SLCO1B3: variants seen among roughly 807,000 people sequenced by gnomAD.
SLCO1B3 encodes liver-specific organic anion transporter 2.
SLCO1B3 carries 72 observed loss-of-function variants against 71.8 expected under a neutral mutation model. The ratio of observed to expected loss-of-function variants is 1.00; its 90% CI spans 0.83 to 1.22. The LOEUF (loss-of-function observed/expected upper bound fraction) is 1.22. Among genes scored for constraint, SLCO1B3 ranks in the 50% most tolerant of loss-of-function variants. The pLI is 0.00. For missense variants in SLCO1B3, 911 were observed against 819.7 expected (o/e 1.11, Z -1.36); for synonymous variants, 298 against 278.4 (o/e 1.07, Z -0.70).
chr12:20,861,246 G>A, intron 6 of SLCO1B3, 108 bp downstream of exon 6: 1 of 987,172 alleles, frequency 1.0e-6, no homozygotes, highest in Non-Finnish European at 1.5e-6. Flanking sequence ...CAAATAGGAA[G>A]AACATTTATC....
intron 3 of SLCO1B3, among the ~76,000 whole-genome samples, chr12:20,828,461 G>A (rs547361797): frequency 6.6e-6 from 1 of 152,098 alleles, no homozygotes; most frequent in Non-Finnish European, 1.5e-5. Context: ...ATCCCAGGCT[G>A]TTAGAAATGA....
intron 13 of SLCO1B3, among the ~76,000 whole-genome samples, chr12:20,888,983 G>A (rs1227976643): frequency 6.6e-6 from 1 of 151,570 alleles, no homozygotes; most frequent in Admixed American, 6.6e-5. Flanking sequence ...TGTTAATTTT[G>A]TGAATCACAT....
intron 13 of SLCO1B3, among the ~76,000 whole-genome samples, chr12:20,897,312 G>A (rs760845291): frequency 2.4e-4 from 37 of 152,178 alleles, no homozygotes; most frequent in Non-Finnish European, 4.7e-4. Context: ...TTTTATAAGC[G>A]CTATTGAATT....
chr12:20,888,091 A>G (rs568704737), intron 13 of SLCO1B3, among the ~76,000 whole-genome samples: 5 of 151,942 alleles, frequency 3.3e-5, no homozygotes, highest in African/African-American at 1.2e-4. Flanking sequence ...CTATGTGTCT[A>G]TTTTTATACT....
intron 3 of SLCO1B3, among the ~76,000 whole-genome samples, chr12:20,835,915 A>G (rs2121151600): frequency 6.6e-6 from 1 of 152,328 alleles, no homozygotes. Context: ...GCTGCTAGGA[A>G]GAAACACTGA....
intron 15 of SLCO1B3, among the ~76,000 whole-genome samples, chr12:20,910,457 A>T (rs11045594): frequency 6.6e-6 from 1 of 152,084 alleles, no homozygotes; most frequent in South Asian, 2.1e-4. Flanking sequence ...CTTCACATAA[A>T]CTTTAGAATT....
chr12:20,824,522 C>T (rs1043050700), intron 3 of SLCO1B3, among the ~76,000 whole-genome samples: 9 of 152,066 alleles, frequency 5.9e-5, no homozygotes, highest in Non-Finnish European at 1.2e-4. Context: ...CTTAGAACAG[C>T]CATGGTTAAA....
chr12:20,845,822 G>A (rs996430487), intron 3 of SLCO1B3, among the ~76,000 whole-genome samples: 13 of 152,128 alleles, frequency 8.5e-5, no homozygotes, highest in Non-Finnish European at 1.8e-4. Context: ...AAGTTTTTAA[G>A]TTCTCCACTA....
intron 5 of SLCO1B3, 99 bp downstream of exon 5, chr12:20,858,670 G>A: frequency 9.0e-7 from 1 of 1,109,934 alleles, no homozygotes; most frequent in Non-Finnish European, 1.3e-6. Flanking sequence ...TACCTTTTGA[G>A]AGGAATACCT....
intron 6 of SLCO1B3, among the ~76,000 whole-genome samples, chr12:20,861,892 T>C (rs953906375): frequency 6.6e-5 from 10 of 152,082 alleles, no homozygotes; most frequent in African/African-American, 2.4e-4. Context: ...TCAGTAATGT[T>C]CACAAGGACA....
At chr12:20,813,132 A>C (rs1228437383) in intron 1 of SLCO1B3, among the ~76,000 whole-genome samples, 2 of 152,188 alleles carry the variant, frequency 1.3e-5, no homozygotes, top group East Asian at 3.8e-4. Context: ...ACACTCGCAT[A>C]TACATAAGTG....
At chr12:20,878,778 G>A (rs1190343204) in intron 10 of SLCO1B3, among the ~76,000 whole-genome samples, 5 of 152,180 alleles carry the variant, frequency 3.3e-5, no homozygotes, top group African/African-American at 1.2e-4. Context: ...TTACGGGACT[G>A]TGAAATGGAA....
chr12:20,829,958 T>C (rs978794796), intron 3 of SLCO1B3, among the ~76,000 whole-genome samples: 1 of 152,186 alleles, frequency 6.6e-6, no homozygotes, highest in Non-Finnish European at 1.5e-5. Context: ...GGCCAGCTCC[T>C]TTACTGCAAC....
chr12:20,823,979 T>A (rs1328192338), intron 3 of SLCO1B3, among the ~76,000 whole-genome samples: 2 of 152,188 alleles, frequency 1.3e-5, no homozygotes, highest in African/African-American at 2.4e-5. Context: ...GTGTCTCGAA[T>A]TACGTCCTGT....
intron 13 of SLCO1B3, among the ~76,000 whole-genome samples, chr12:20,892,362 A>T (rs1205556612): frequency 6.6e-6 from 1 of 152,176 alleles, no homozygotes; most frequent in East Asian, 1.9e-4. Context: ...GCTACAAAAG[A>T]AACAGACAAA....
intron 15 of SLCO1B3, among the ~76,000 whole-genome samples, chr12:20,911,953 CT>C (rs1866386447): frequency 6.6e-6 from 1 of 152,030 alleles, no homozygotes; most frequent in Non-Finnish European, 1.5e-5. Flanking sequence ...TTACTATTAT[CT>C]TCGGATTACT....
intron 3 of SLCO1B3, among the ~76,000 whole-genome samples, chr12:20,817,043 G>A (rs1015949291): frequency 6.6e-6 from 1 of 152,012 alleles, no homozygotes; most frequent in South Asian, 2.1e-4. Context: ...CCTTTTGATC[G>A]GATTATTAGA....
intron 15 of SLCO1B3, among the ~76,000 whole-genome samples, chr12:20,906,747 A>G (rs1157031494): frequency 6.6e-6 from 1 of 152,190 alleles, no homozygotes; most frequent in East Asian, 1.9e-4. Context: ...TTATAATTGT[A>G]GTTCTGTTAT....
At chr12:20,913,675 T>A (rs7134708) in intron 15 of SLCO1B3, among the ~76,000 whole-genome samples, 124,218 of 152,148 alleles carry the variant, frequency 0.82, 53,580 homozygotes, top group South Asian at 0.95. Context: ...ATTACTTTTA[T>A]TCTGTATGTC....
Sources: gnomAD v4.1 joint callset for allele counts (sites outside exome capture counted in the v4.1 genomes callset) on GRCh38, gnomAD v4.1.1 for gene constraint, MANE v1.5 for transcripts, NCBI Gene and HGNC (gene_info 2026-07-23, HGNC 2026-07-21) for gene names.